Variants in GULP1 observed in about 807,000 individuals in gnomAD.
The protein encoded by GULP1 is GULP PTB domain containing engulfment adaptor 1.
Under a neutral mutation model 40.9 loss-of-function variants are expected in GULP1, and 19 were observed. The observed-to-expected ratio is 0.46, with a 90% confidence interval of 0.32 to 0.68. The LOEUF (loss-of-function observed/expected upper bound fraction) is 0.68. GULP1 is among the 30% of genes least tolerant of loss of function. The pLI, the probability that GULP1 is intolerant of heterozygous loss-of-function variation, is 0.03. For synonymous variants in GULP1, 119 were observed against 117.6 expected (o/e 1.01, Z -0.08); for missense variants, 312 against 362.2 (o/e 0.86, Z 1.12).
chr2:188,328,871 A>G (rs2041142111), intron 1 of GULP1, among the ~76,000 whole-genome samples: 1 of 152,102 alleles, frequency 6.6e-6, no homozygotes, highest in Admixed American at 6.6e-5. Flanking sequence ...AACATTTAAT[A>G]CTATCTTGCC....
intron 4 of GULP1, among the ~76,000 whole-genome samples, chr2:188,511,325 T>C (rs1242772672): frequency 6.6e-6 from 1 of 152,196 alleles, no homozygotes; most frequent in Non-Finnish European, 1.5e-5. Context: ...GCAAGTTACA[T>C]GAGAATATTT....
In GULP1 at chr2:188,504,085, TA is replaced by T. The variant is rs1280149498; in HGVS notation, c.91-18666del. ...CTACAGAGTATCTCAAAAGTAATGC[TA>T]AAAATGATGCTTTGGAGAGCTAAGG... On this transcript the variant is annotated intron_variant, in intron 4 of 11. Coordinates refer to ENST00000409830, the MANE Select transcript of GULP1 (RefSeq NM_016315.4). Among the ~76,000 whole-genome samples the T allele has an allele frequency of 4.6e-5, 7 of 152,018 alleles. No homozygotes were observed. In the East Asian group the frequency reaches 1.4e-3, roughly 30 times the overall value.
chr2:188,420,038 G>C (rs1347565362), intron 2 of GULP1, among the ~76,000 whole-genome samples: 1 of 152,100 alleles, frequency 6.6e-6, no homozygotes, highest in Admixed American at 6.6e-5. Context: ...TCTGTGTTCT[G>C]TTCCACTGGT....
intron 1 of GULP1, among the ~76,000 whole-genome samples, chr2:188,367,687 G>T (rs939092995): frequency 2.0e-5 from 3 of 152,154 alleles, no homozygotes; most frequent in African/African-American, 7.2e-5. Context: ...AGCCCAAGGA[G>T]GGATGCACAA....
chr2:188,428,334 C>T (rs1575180635), intron 2 of GULP1, among the ~76,000 whole-genome samples: 1 of 152,010 alleles, frequency 6.6e-6, no homozygotes, highest in East Asian at 1.9e-4. Context: ...GTTGGGAAGG[C>T]GTGATTGCAT....
At chr2:188,361,505 T>A (rs1163784759) in intron 1 of GULP1, among the ~76,000 whole-genome samples, 1 of 152,096 alleles carries the variant, frequency 6.6e-6, no homozygotes, top group African/African-American at 2.4e-5. Flanking sequence ...AAATGATTTT[T>A]ATGCGTGGAA....
chr2:188,582,060 T>TGG (rs1175765991), intron 9 of GULP1, among the ~76,000 whole-genome samples: 1 of 152,094 alleles, frequency 6.6e-6, no homozygotes. Context: ...TTTCTCTCCA[T>TGG]TACCTTCCTC....
At chr2:188,517,507 C>T (rs1404325049) in intron 4 of GULP1, among the ~76,000 whole-genome samples, 2 of 151,910 alleles carry the variant, frequency 1.3e-5, no homozygotes, top group Non-Finnish European at 2.9e-5. Flanking sequence ...CCTTTTGTTG[C>T]TGTTTTTTTT....
intron 4 of GULP1, among the ~76,000 whole-genome samples, chr2:188,504,170 A>G (rs963189733): frequency 1.3e-5 from 2 of 151,972 alleles, no homozygotes; most frequent in East Asian, 1.9e-4. Context: ...CATGACTTCT[A>G]ACTTCCAACA....
At chr2:188,532,845 C>T (rs913871136) in intron 6 of GULP1, among the ~76,000 whole-genome samples, 28 of 151,980 alleles carry the variant, frequency 1.8e-4, no homozygotes, top group African/African-American at 5.8e-4. Context: ...CGCTTGAACC[C>T]GGTAGGTGGA....
intron 1 of GULP1, among the ~76,000 whole-genome samples, chr2:188,357,672 G>A (rs926006162): frequency 6.6e-6 from 1 of 152,048 alleles, no homozygotes; most frequent in East Asian, 1.9e-4. Flanking sequence ...TAGAATTGCC[G>A]TATGATCAGC....
chr2:188,558,979 T>C lies in GULP1; in HGVS notation c.400-10260T>C, dbSNP rs186259360. ...GCAGAGCATAAAAGTTCAGAAAATG[T>C]GCAGCCTGACAATGTGATAGAAAAG... On this transcript the variant is annotated intron_variant, in intron 7 of 11. Transcript: ENST00000409830. Among the ~76,000 whole-genome samples the C allele has an allele frequency of 2.0e-5, 3 of 152,248 alleles. No individual in the cohort carries two copies. The East Asian group carries it at 5.8e-4, about 29-fold the overall frequency.
intron 1 of GULP1, among the ~76,000 whole-genome samples, chr2:188,335,290 C>G (rs1335260690): frequency 2.6e-5 from 4 of 152,182 alleles, no homozygotes; most frequent in East Asian, 1.9e-4. Context: ...GATTAATTCT[C>G]TCTTCTTGTG....
At chr2:188,484,098 G>A (rs937043689) in intron 4 of GULP1, among the ~76,000 whole-genome samples, 2 of 151,886 alleles carry the variant, frequency 1.3e-5, no homozygotes, top group Non-Finnish European at 2.9e-5. Flanking sequence ...AGAAGAGACG[G>A]GGTTTCACCG....
At chr2:188,527,324 C>T (rs1686420756) in intron 5 of GULP1, among the ~76,000 whole-genome samples, 1 of 152,048 alleles carries the variant, frequency 6.6e-6, no homozygotes, top group African/African-American at 2.4e-5. Context: ...AACAGCAGCA[C>T]CTAGGAAACC....
intron 1 of GULP1, among the ~76,000 whole-genome samples, chr2:188,378,278 GAA>G (rs71723258): frequency 6.6e-4 from 63 of 95,554 alleles, no homozygotes; most frequent in East Asian, 3.8e-3. Flanking sequence ...TCTCTATATA[GAA>G]AAAAAAAAAA....
chr2:188,364,458 A>G (rs2046481153), intron 1 of GULP1, among the ~76,000 whole-genome samples: 1 of 152,172 alleles, frequency 6.6e-6, no homozygotes, highest in African/African-American at 2.4e-5. Flanking sequence ...ACTAATTTGG[A>G]ACATTCTGTC....
chr2:188,553,972 T>G (rs1694140604), intron 7 of GULP1, among the ~76,000 whole-genome samples: 1 of 152,010 alleles, frequency 6.6e-6, no homozygotes, highest in South Asian at 2.1e-4. Flanking sequence ...TCTTTGGGGA[T>G]CTTTGTATTT....
At chr2:188,551,579 G>C (rs951728660) in intron 7 of GULP1, among the ~76,000 whole-genome samples, 1 of 151,624 alleles carries the variant, frequency 6.6e-6, no homozygotes, top group Non-Finnish European at 1.5e-5. Context: ...TCCATTGGCG[G>C]ACATTTAGGT....
Sources: gnomAD v4.1 joint callset for allele counts (sites outside exome capture counted in the v4.1 genomes callset) on GRCh38, gnomAD v4.1.1 for gene constraint, MANE v1.5 for transcripts, NCBI Gene and HGNC (gene_info 2026-07-23, HGNC 2026-07-21) for gene names.